USP42: variants seen among roughly 807,000 people sequenced by gnomAD.
The protein encoded by USP42 is ubiquitin specific peptidase 42.
A neutral mutation model predicts 113.0 loss-of-function variants in USP42; 23 were observed. The ratio of observed to expected loss-of-function variants is 0.20; its 90% CI spans 0.15 to 0.29. USP42 has a LOEUF of 0.29. Among genes scored for constraint, USP42 ranks in the 10% least tolerant of loss-of-function variants. The pLI is 1.00. For missense variants in USP42, 2,174 were observed against 1,779.8 expected (o/e 1.22, Z -3.99); for synonymous variants, 933 against 699.0 (o/e 1.33, Z -5.28).
At chr7:6,113,848 C>T (rs996501927) in intron 2 of USP42, among the ~76,000 whole-genome samples, 1 of 151,930 alleles carries the variant, frequency 6.6e-6, no homozygotes, top group African/African-American at 2.4e-5. Context: ...GTCTCGATCT[C>T]CTGACCTTGT....
intron 2 of USP42, 121 bp downstream of exon 2, chr7:6,111,495 A>G (rs546572214): frequency 1.7e-6 from 2 of 1,190,748 alleles, no homozygotes; most frequent in South Asian, 3.2e-5. Context: ...TGGCCAGCAG[A>G]GTTGTATTAC....
In USP42 at chr7:6,149,853, G is replaced by C; in HGVS notation, c.1657G>C (p.Val553Leu). 2 of 1,613,958 alleles carry C rather than the reference G, an allele frequency of 1.2e-6. No individual in the cohort carries two copies. Among genetic ancestry groups the C allele is most frequent in the Non-Finnish European group, 8.5e-7 (1 of 1,179,886 alleles). The change falls in exon 13 of 18, where the codon GTT (valine) becomes CTT (leucine). Residue 553 changes from valine (V) to leucine (L), a missense_variant. By Grantham distance (32) the Val-to-Leu change is conservative (BLOSUM62 1). Transcript: ENST00000306177. ...TTCTTTGGAGAACCCTACCAAGCCC[G>C]TTCCCTCTTCTACCATTACCAATTC... ...SNSLENPTKP[V>L]PSSTITNSAV...
intron 3 of USP42, among the ~76,000 whole-genome samples, chr7:6,122,875 G>A (rs1274870993): frequency 6.6e-6 from 1 of 151,756 alleles, no homozygotes; most frequent in African/African-American, 2.4e-5. Context: ...CCAGGCTAGA[G>A]TGCAGTGGTA....
At position 6,158,005 on chromosome 7, in the gene USP42, C is replaced by G. The variant is rs1263223446; in HGVS notation, c.3943+950C>G. On this transcript the variant is annotated intron_variant, in intron 16 of 17. Coordinates refer to ENST00000306177, the MANE Select transcript of USP42 (RefSeq NM_032172.3). The surrounding 1 kb of genome is among the most constrained non-coding windows in gnomAD (Gnocchi z 4.2). ...AGCGGATGTCACTCGAGTCAGTGGA[C>G]CTAGAGCGGAGGCTGGCAAACTGCA... Among the ~76,000 whole-genome samples, 3 of 152,222 alleles carry G rather than the reference C, an allele frequency of 2.0e-5. No homozygotes were observed. The highest frequency in any genetic ancestry group is 7.2e-5 in the African/African-American group (3 of 41,460).
chr7:6,111,777 T>TTC (rs1371029731), intron 2 of USP42: 2 of 166,956 alleles, frequency 1.2e-5, no homozygotes, highest in South Asian at 1.3e-4. Context: ...TAATTTTTTT[T>TTC]TTTTTTTTTG....
At chr7:6,116,586 C>A (rs1211061516) in intron 3 of USP42, 15 of 331,108 alleles carry the variant, frequency 4.5e-5, no homozygotes, top group Non-Finnish European at 6.8e-5. Context: ...TTGAATAGTT[C>A]TTTACTTAAT....
Position 6,159,045 on chromosome 7 carries a change from CCTT to C in USP42, c.3944-402_3944-400del, listed in dbSNP as rs1782622059. ...GAGCAGACTGAGGAGCCTTTCTTGT[CCTT>C]CTGAGAAGGCCGCTGCCCGGCCCCG... On this transcript the variant is annotated intron_variant, in intron 16 of 17. Transcript: ENST00000306177. The surrounding 1 kb of genome is among the most constrained non-coding windows in gnomAD (Gnocchi z 4.1). 6.6e-6 allele frequency among the ~76,000 whole-genome samples: 1 copy of C among 152,186 alleles called. No homozygotes were observed. The highest frequency in any genetic ancestry group is 2.4e-5 in the African/African-American group (1 of 41,438).
At chr7:6,148,724 TG>T (rs1051496700) in intron 12 of USP42, among the ~76,000 whole-genome samples, 1 of 152,180 alleles carries the variant, frequency 6.6e-6, no homozygotes, top group African/African-American at 2.4e-5. Context: ...GACTTGAGTT[TG>T]TTTTGGATGA....
intron 10 of USP42, 88 bp from the exon 11 acceptor site, chr7:6,146,060 T>C: frequency 9.3e-7 from 1 of 1,079,004 alleles, no homozygotes; most frequent in Non-Finnish European, 1.3e-6. Context: ...AGACTCCATC[T>C]CAAAAAAAAA....
Position 6,145,524 on chromosome 7 carries a change from A to G in USP42, c.999A>G (p.Lys333=), listed in dbSNP as rs777907211. The change falls in exon 10 of 18, where the codon AAA becomes AAG. Residue 333 remains lysine (K), a synonymous_variant. Transcript: ENST00000306177. The part of the protein sequence containing the change: ...FTGGKIAKDV[K]YPEYLDIRPY... ...TTTCCATTTCCTTCTAGGATGTGAA[A>G]TACCCTGAGTATCTTGATATTCGGC... 1 of 1,613,936 alleles carries G rather than the reference A, an allele frequency of 6.2e-7. No homozygotes were observed.
At chr7:6,155,973 TCTC>T (rs1472651679) in intron 15 of USP42, among the ~76,000 whole-genome samples, 1 of 152,162 alleles carries the variant, frequency 6.6e-6, no homozygotes, top group African/African-American at 2.4e-5. Context: ...CGCACGCTGT[TCTC>T]AAACCCCTAG....
chr7:6,141,703 G>A lies in USP42; in HGVS notation c.795+719G>A, dbSNP rs751860307. Among the ~76,000 whole-genome samples the A allele has an allele frequency of 3.8e-4, 57 of 151,934 alleles. No individual in the cohort carries two copies. The Middle Eastern group carries it at 0.014, about 36-fold the overall frequency. On this transcript the variant is annotated intron_variant, in intron 7 of 17. Transcript: ENST00000306177. ...CCTCCCTAGTAGCTGGGACTACAGCGACTGTGCCCAGCCTGCCTCTTGCAT... is the reference window on the plus strand; with the variant it reads ...CCTCCCTAGTAGCTGGGACTACAGCAACTGTGCCCAGCCTGCCTCTTGCAT...
At chr7:6,116,618 T>C (rs1779924425) in intron 3 of USP42, 5 of 371,188 alleles carry the variant, frequency 1.3e-5, no homozygotes, top group Non-Finnish European at 2.6e-5. Context: ...ATTGGTTCTT[T>C]TAAAACTGAT....
chr7:6,087,340 CTTT>C, the USP42 span, among the ~76,000 whole-genome samples: 1 of 116,504 alleles, frequency 8.6e-6, no homozygotes, highest in Non-Finnish European at 1.8e-5. Flanking sequence ...CTAAGCGCTT[CTTT>C]TTTTTTTTTT....
intron 3 of USP42, among the ~76,000 whole-genome samples, chr7:6,123,619 C>T (rs1385428437): frequency 2.0e-5 from 3 of 151,802 alleles, no homozygotes; most frequent in Non-Finnish European, 4.4e-5. Flanking sequence ...GCCGAGATCG[C>T]GCCACTGCAC....
intron 11 of USP42, among the ~76,000 whole-genome samples, chr7:6,146,458 G>C (rs148170601): frequency 1.6e-3 from 236 of 152,136 alleles, no homozygotes; most frequent in African/African-American, 5.5e-3. Context: ...CCAGGAGTTC[G>C]AGACCGACCA....
chr7:6,158,730 G>T lies in USP42; in HGVS notation c.3944-720G>T, dbSNP rs914916389. On this transcript the variant is annotated intron_variant, in intron 16 of 17. Transcript: ENST00000306177. This position sits in a 1 kb window ranked among gnomAD's most constrained non-coding sequence, Gnocchi z 4.2. ...TTTTGCGTTCCCATTTCAGCGAATC[G>T]GGGAAGGAGATTCGTGAGGGCTGCT... Among the ~76,000 whole-genome samples, 1 of 152,188 alleles carries T rather than the reference G, an allele frequency of 6.6e-6. No individual in the cohort carries two copies.
chr7:6,141,710 C>T (rs538672662), intron 7 of USP42, among the ~76,000 whole-genome samples: 2 of 152,160 alleles, frequency 1.3e-5, no homozygotes, highest in South Asian at 2.1e-4. Flanking sequence ...AGCGACTGTG[C>T]CCAGCCTGCC....
At chr7:6,126,218 A>G (rs1240718037) in intron 3 of USP42, among the ~76,000 whole-genome samples, 3 of 151,996 alleles carry the variant, frequency 2.0e-5, no homozygotes, top group Non-Finnish European at 4.4e-5. Context: ...AGATTGATCC[A>G]GGTCGTTGCA....
Sources: gnomAD v4.1 joint callset for allele counts (sites outside exome capture counted in the v4.1 genomes callset) on GRCh38, gnomAD v4.1.1 for gene constraint, Gnocchi (gnomAD v3.1) non-coding constraint, MANE v1.5 for transcripts, NCBI Gene and HGNC (gene_info 2026-07-23, HGNC 2026-07-21) for gene names.